The following TMTC1 variants were observed in gnomAD, a reference collection of about 807,000 sequenced individuals.
TMTC1 encodes the protein protein O-mannosyl-transferase TMTC1.
Under a neutral mutation model 104.8 loss-of-function variants are expected in TMTC1, and 73 were observed. That is an observed-to-expected ratio of 0.70 (90% confidence interval 0.58 to 0.85). The LOEUF is 0.85. TMTC1 is among the 40% of genes least tolerant of loss of function. The probability of loss-of-function intolerance (pLI) is 0.00; values close to 1 mark genes in which losing one functional copy is unlikely to be tolerated. For missense variants in TMTC1, 1,035 were observed against 1,096.1 expected, an observed-to-expected ratio of 0.94 and a Z score of 0.79; for synonymous variants, 434 against 428.7, an observed-to-expected ratio of 1.01 and a Z score of -0.15.
chr12:29,510,301 C>T (rs56331080), intron 17 of TMTC1, among the ~76,000 whole-genome samples: 2,658 of 152,132 alleles, frequency 0.017, 60 homozygotes, highest in African/African-American at 0.059. Flanking sequence ...AGTAAAAACA[C>T]GGTATTATAA....
At chr12:29,598,942 A>G (rs952609618) in intron 7 of TMTC1, among the ~76,000 whole-genome samples, 3 of 152,176 alleles carry the variant, frequency 2.0e-5, no homozygotes, top group East Asian at 3.8e-4. Context: ...ATTCTTGATC[A>G]GTTGTATCCC....
chr12:29,549,116 T>G (rs950485483), intron 10 of TMTC1, among the ~76,000 whole-genome samples: 1 of 149,682 alleles, frequency 6.7e-6, no homozygotes, highest in Non-Finnish European at 1.5e-5. Context: ...CACAACAGCT[T>G]TATTCGTAAT....
chr12:29,683,808 C>G (rs1210387526), intron 5 of TMTC1, among the ~76,000 whole-genome samples: 3 of 151,818 alleles, frequency 2.0e-5, no homozygotes, highest in Admixed American at 2.0e-4. Flanking sequence ...AAGCTTATAC[C>G]TAAACTAAAA....
chr12:29,664,795 G>A (rs958441611), intron 5 of TMTC1, among the ~76,000 whole-genome samples: 7 of 152,150 alleles, frequency 4.6e-5, no homozygotes, highest in Non-Finnish European at 1.0e-4. Flanking sequence ...ACCTAAAATT[G>A]TCTTCAAATA....
Position 29,755,802 on chromosome 12 carries a change from G to T in TMTC1, c.638C>A (p.Thr213Asn). 1 of 1,614,106 alleles carries T rather than the reference G, an allele frequency of 6.2e-7. No homozygotes were observed. The highest frequency in any genetic ancestry group is 1.1e-5 in the South Asian group (1 of 91,078). Residue 213 changes from threonine to asparagine, a missense_variant, in exon 4 of 18, where the codon ACC becomes AAC. Thr to Asn is a moderately conservative substitution (Grantham distance 65, BLOSUM62 0). Coordinates refer to ENST00000539277, the MANE Select transcript of TMTC1 (RefSeq NM_001193451.2). ...FFLLLSLFLG[T>N]CAMLVKETGI... The stretch of plus-strand genomic sequence containing the variant: ...TGTCTCTTTCACCAGCATCGCACAG[G>T]TCCCCAGAAACAAACTGAGCAGCAA...
At chr12:29,739,065 C>T (rs1045050525) in intron 5 of TMTC1, among the ~76,000 whole-genome samples, 2 of 152,154 alleles carry the variant, frequency 1.3e-5, no homozygotes, top group African/African-American at 4.8e-5. Flanking sequence ...ATTTTCTTAT[C>T]TTCACACTTA....
chr12:29,719,807 C>T (rs1942185575), intron 5 of TMTC1, among the ~76,000 whole-genome samples: 1 of 152,206 alleles, frequency 6.6e-6, no homozygotes, highest in Admixed American at 6.5e-5. Context: ...CTTAGCTCAT[C>T]AGTATACTCA....
At chr12:29,761,504 T>C (rs1319997670) in intron 2 of TMTC1, among the ~76,000 whole-genome samples, 2 of 151,992 alleles carry the variant, frequency 1.3e-5, no homozygotes, top group Non-Finnish European at 2.9e-5. Context: ...AGAAGAAGAT[T>C]GAAATGGAAG....
chr12:29,770,677 C>T (rs1004932342), intron 1 of TMTC1, among the ~76,000 whole-genome samples: 1 of 152,142 alleles, frequency 6.6e-6, no homozygotes, highest in Non-Finnish European at 1.5e-5. Flanking sequence ...TGGAACCTAA[C>T]ATTGGTGAAT....
intron 1 of TMTC1, among the ~76,000 whole-genome samples, chr12:29,778,143 T>G (rs537789766): frequency 2.6e-5 from 4 of 152,338 alleles, no homozygotes; most frequent in South Asian, 4.1e-4. Context: ...TCTTATGGTT[T>G]ATATTACCAT....
At chr12:29,554,735 G>C (rs544194407) in intron 10 of TMTC1, among the ~76,000 whole-genome samples, 171 of 152,144 alleles carry the variant, frequency 1.1e-3, no homozygotes, top group African/African-American at 3.1e-3. Context: ...GCCAGCCATG[G>C]GGGGGCATGC....
At chr12:29,690,373 A>G (rs931073890) in intron 5 of TMTC1, among the ~76,000 whole-genome samples, 2 of 152,256 alleles carry the variant, frequency 1.3e-5, no homozygotes, top group South Asian at 4.1e-4. Context: ...GGGAATCTCA[A>G]TTTATTTACA....
At chr12:29,757,632 C>A (rs538348562) in intron 3 of TMTC1, among the ~76,000 whole-genome samples, 1 of 152,078 alleles carries the variant, frequency 6.6e-6, no homozygotes, top group Non-Finnish European at 1.5e-5. Context: ...TGACTTGCCC[C>A]CCTTTTCCAG....
At chr12:29,602,028 G>T (rs139925032) in intron 7 of TMTC1, among the ~76,000 whole-genome samples, 7,153 of 152,038 alleles carry the variant, frequency 0.047, 583 homozygotes, top group African/African-American at 0.16. Flanking sequence ...TAAAGACGGG[G>T]TTTCACTGTG....
chr12:29,520,899 G>A (rs1484637534), intron 11 of TMTC1, 179 bp from the exon 12 acceptor site: 5 of 574,200 alleles, frequency 8.7e-6, no homozygotes, highest in Non-Finnish European at 9.2e-6. Flanking sequence ...TATTAACTGT[G>A]TACAAAATAC....
intron 16 of TMTC1, among the ~76,000 whole-genome samples, chr12:29,513,259 T>A (rs750214348): frequency 1.3e-5 from 2 of 152,162 alleles, no homozygotes; most frequent in Non-Finnish European, 2.9e-5. Context: ...TTAAGTTACA[T>A]AATACATATG....
intron 11 of TMTC1, chr12:29,535,590 C>G (rs149721042): frequency 6.6e-6 from 1 of 152,318 alleles, no homozygotes; most frequent in East Asian, 1.9e-4. Flanking sequence ...TACTGTCTAT[C>G]AAGGGCACTA....
At chr12:29,758,828 A>G (rs372024003) in intron 2 of TMTC1, 51 bp from the exon 3 acceptor site, 251 of 1,450,892 alleles carry the variant, frequency 1.7e-4, no homozygotes, top group Middle Eastern at 3.5e-4. Context: ...TACTTTCAGA[A>G]AACTATTACA....
chr12:29,778,563 A>T (rs989068826), intron 1 of TMTC1, among the ~76,000 whole-genome samples: 2 of 152,330 alleles, frequency 1.3e-5, no homozygotes, highest in Non-Finnish European at 2.9e-5. Flanking sequence ...GCAAAAAAAA[A>T]ATGTTATTGC....
Sources: gnomAD v4.1 joint callset for allele counts (sites outside exome capture counted in the v4.1 genomes callset) on GRCh38, gnomAD v4.1.1 for gene constraint, MANE v1.5 for transcripts, NCBI Gene and HGNC (gene_info 2026-07-23, HGNC 2026-07-21) for gene names.